PTPRD: variants seen among roughly 807,000 people sequenced by gnomAD.
PTPRD encodes protein tyrosine phosphatase receptor type D, also known as receptor-type tyrosine-protein phosphatase delta.
Under a neutral mutation model 214.5 loss-of-function variants are expected in PTPRD, and 34 were observed. The ratio of observed to expected loss-of-function variants is 0.16; its 90% CI spans 0.12 to 0.21. The LOEUF (loss-of-function observed/expected upper bound fraction) is 0.21. Ranked by LOEUF, PTPRD falls within the 10% of genes least tolerant of loss-of-function variation. The pLI is 1.00. For synonymous variants in PTPRD, 1,128 were observed against 845.7 expected (o/e 1.33, Z -5.79); for missense variants, 2,545 against 2,398.7 (o/e 1.06, Z -1.27).
chr9:9,753,598 G>T (rs1468475309), intron 6 of PTPRD, among the ~76,000 whole-genome samples: 1 of 152,044 alleles, frequency 6.6e-6, no homozygotes, highest in Admixed American at 6.6e-5. Context: ...GTCTGCCAGA[G>T]TGATGGTGGT....
chr9:10,467,639 G>A (rs1588860872), intron 2 of PTPRD, among the ~76,000 whole-genome samples: 1 of 151,324 alleles, frequency 6.6e-6, no homozygotes, highest in African/African-American at 2.5e-5. Context: ...ATATATGTAT[G>A]ACAAAAATAT....
At chr9:10,509,850 A>G (rs1284168738) in intron 2 of PTPRD, among the ~76,000 whole-genome samples, 3 of 151,876 alleles carry the variant, frequency 2.0e-5, no homozygotes, top group African/African-American at 7.2e-5. Flanking sequence ...TCATATATAT[A>G]CAGGTATATA....
intron 30 of PTPRD, among the ~76,000 whole-genome samples, 169 bp from the exon 31 acceptor site, chr9:8,471,254 A>G (rs1185316892): frequency 1.3e-5 from 2 of 152,120 alleles, no homozygotes; most frequent in Non-Finnish European, 1.5e-5. Flanking sequence ...TCAATTTTAA[A>G]AACAACACGG....
chr9:8,599,878 A>C (rs1301150525), intron 14 of PTPRD, among the ~76,000 whole-genome samples: 1 of 151,912 alleles, frequency 6.6e-6, no homozygotes, highest in Non-Finnish European at 1.5e-5. Flanking sequence ...CGGCCCCCCA[A>C]ATTGCTGGAA....
chr9:9,700,233 G>A (rs2097467569), intron 7 of PTPRD, among the ~76,000 whole-genome samples: 1 of 151,958 alleles, frequency 6.6e-6, no homozygotes, highest in African/African-American at 2.4e-5. Flanking sequence ...CATAAAAGTG[G>A]AATTATTTTA....
chr9:8,805,881 G>C (rs1232109212), intron 11 of PTPRD, among the ~76,000 whole-genome samples: 8 of 150,180 alleles, frequency 5.3e-5, no homozygotes, highest in Admixed American at 4.0e-4. Flanking sequence ...TATAGTCCCA[G>C]CTACTCAGGA....
intron 12 of PTPRD, among the ~76,000 whole-genome samples, chr9:8,652,643 A>G (rs62528768): frequency 6.2e-4 from 95 of 152,348 alleles, no homozygotes; most frequent in Admixed American, 1.0e-3. Context: ...TATAAATACT[A>G]GGGATTCCAC....
intron 39 of PTPRD, among the ~76,000 whole-genome samples, chr9:8,368,676 C>T (rs1451057223): frequency 1.0e-4 from 12 of 117,282 alleles, no homozygotes; most frequent in South Asian, 2.9e-4. Flanking sequence ...CCTTTTAATG[C>T]TTTTTTTTTT....
chr9:8,980,498 T>G (rs2099306083), intron 11 of PTPRD, among the ~76,000 whole-genome samples: 1 of 152,218 alleles, frequency 6.6e-6, no homozygotes. Context: ...AAACCTTAAA[T>G]ACATACAATA....
intron 8 of PTPRD, among the ~76,000 whole-genome samples, chr9:9,528,976 T>C (rs2074836093): frequency 6.6e-6 from 1 of 150,812 alleles, no homozygotes; most frequent in African/African-American, 2.4e-5. Flanking sequence ...TCTCACCCTG[T>C]TGCCCAGGCT....
chr9:8,379,418 C>T (rs1438633918), intron 37 of PTPRD, among the ~76,000 whole-genome samples: 1 of 152,102 alleles, frequency 6.6e-6, no homozygotes, highest in Non-Finnish European at 1.5e-5. Flanking sequence ...AATTTAAGGG[C>T]TTAGAGTTAC....
At chr9:9,220,841 A>G (rs747481768) in intron 9 of PTPRD, among the ~76,000 whole-genome samples, 4 of 152,118 alleles carry the variant, frequency 2.6e-5, no homozygotes, top group Non-Finnish European at 4.4e-5. Context: ...TAGTCATGCA[A>G]TATAATAGAT....
At chr9:10,593,665 C>G (rs1007193087) in intron 2 of PTPRD, among the ~76,000 whole-genome samples, 6 of 151,806 alleles carry the variant, frequency 4.0e-5, no homozygotes, top group Admixed American at 6.6e-5. Flanking sequence ...CATATTAATA[C>G]AAAGAGATTT....
chr9:10,546,107 TG>T (rs991383066), intron 2 of PTPRD, among the ~76,000 whole-genome samples: 64 of 152,264 alleles, frequency 4.2e-4, no homozygotes, highest in African/African-American at 1.5e-3. Flanking sequence ...AAATATCCCT[TG>T]GGACCAACAT....
intron 3 of PTPRD, among the ~76,000 whole-genome samples, chr9:10,211,767 G>A (rs1440617765): frequency 1.2e-4 from 19 of 152,074 alleles, no homozygotes; most frequent in Non-Finnish European, 1.2e-4. Context: ...TGGACATAGA[G>A]CACAGAATAA....
chr9:9,009,111 C>A (rs1001308722), intron 11 of PTPRD, among the ~76,000 whole-genome samples: 41 of 151,302 alleles, frequency 2.7e-4, no homozygotes, highest in African/African-American at 9.9e-4. Context: ...TCTAAAAGTA[C>A]AAATCATTCT....
At chr9:9,070,762 G>A (rs946637580) in intron 10 of PTPRD, among the ~76,000 whole-genome samples, 1 of 152,084 alleles carries the variant, frequency 6.6e-6, no homozygotes, top group Non-Finnish European at 1.5e-5. Flanking sequence ...TTTTAGTTCA[G>A]GATTTACATT....
intron 2 of PTPRD, among the ~76,000 whole-genome samples, chr9:10,554,185 G>C (rs943978671): frequency 3.3e-5 from 5 of 152,206 alleles, no homozygotes; most frequent in South Asian, 2.1e-4. Flanking sequence ...AAACTCTACT[G>C]TTCCTTGCCC....
chr9:9,185,692 T>C (rs2099930951), intron 9 of PTPRD, among the ~76,000 whole-genome samples: 2 of 152,062 alleles, frequency 1.3e-5, no homozygotes, highest in Admixed American at 1.3e-4. Context: ...CTCATTTAGA[T>C]GATTGCTGAA....
Sources: gnomAD v4.1 joint callset for allele counts (sites outside exome capture counted in the v4.1 genomes callset) on GRCh38, gnomAD v4.1.1 for gene constraint, MANE v1.5 for transcripts, NCBI Gene and HGNC (gene_info 2026-07-23, HGNC 2026-07-21) for gene names.